Variants in MGAM observed in about 807,000 individuals in gnomAD.
MGAM encodes the protein maltase-glucoamylase, also known as alpha-1,4-glucosidase.
A neutral mutation model predicts 358.8 loss-of-function variants in MGAM; 253 were observed. That is an observed-to-expected ratio of 0.71 (90% CI 0.64 to 0.78). The LOEUF is 0.78. MGAM is among the 30% of genes least tolerant of loss of function. MGAM has a pLI of 0.00. For synonymous variants in MGAM, 1,105 were observed against 1,227.1 expected, an observed-to-expected ratio of 0.90 and a Z score of 2.08; for missense variants, 3,080 against 3,432.6, an observed-to-expected ratio of 0.90 and a Z score of 2.57.
At chr7:142,094,183 C>T (rs971623343) in intron 60 of MGAM, among the ~76,000 whole-genome samples, 181 bp from the exon 61 acceptor site, 2 of 146,220 alleles carry the variant, frequency 1.4e-5, no homozygotes, top group African/African-American at 4.9e-5. Flanking sequence ...ACTGTGAGAA[C>T]ACGTGACTCG....
chr7:142,010,325 A>G (rs1166316639), intron 3 of MGAM, among the ~76,000 whole-genome samples: 2 of 152,062 alleles, frequency 1.3e-5, no homozygotes, highest in African/African-American at 4.8e-5. Context: ...ATTCCTTCCT[A>G]TCATATCAGC....
chr7:142,044,028 A>G (rs138583719), intron 21 of MGAM, among the ~76,000 whole-genome samples: 16,939 of 74,838 alleles, frequency 0.23, 2,893 homozygotes, highest in Non-Finnish European at 0.34. Flanking sequence ...CATTATATAC[A>G]CATACGACGT....
intron 66 of MGAM, among the ~76,000 whole-genome samples, chr7:142,098,900 A>G (rs1166165777): frequency 3.9e-5 from 6 of 152,228 alleles, no homozygotes; most frequent in Non-Finnish European, 7.3e-5. Flanking sequence ...AAGAAGTGTC[A>G]CCTTAATTAA....
chr7:142,044,269 CAT>C (rs1457580537), intron 21 of MGAM, among the ~76,000 whole-genome samples: 10,892 of 89,252 alleles, frequency 0.12, 4,712 homozygotes, highest in East Asian at 0.18. Flanking sequence ...ATAATATATA[CAT>C]TATATACACA....
intron 1 of MGAM, among the ~76,000 whole-genome samples, chr7:141,997,766 G>A (rs1804378359): frequency 6.6e-6 from 1 of 152,130 alleles, no homozygotes; most frequent in African/African-American, 2.4e-5. Context: ...CTCACCTTGG[G>A]TGTGACCAGA....
chr7:142,057,419 A>G (rs1247321985), intron 30 of MGAM, among the ~76,000 whole-genome samples: 2 of 147,448 alleles, frequency 1.4e-5, no homozygotes, highest in Admixed American at 6.8e-5. Context: ...GGTGATGATG[A>G]TGGTGGTGTT....
In MGAM at chr7:142,040,144, T is replaced by C; in HGVS notation, c.2346T>C (p.Pro782=). Residue 782 remains proline, a synonymous_variant, in exon 20 of 71, where the codon CCT becomes CCC. Coordinates refer to ENST00000475668, the MANE Select transcript of MGAM (RefSeq NM_001365693.1). Reference sequence around the variant, plus strand: ...CAGAGAAAGTGATGGCATATGTGCCTGATGCTGTCTGGTATGACTACGAGA... The same window carrying C: ...CAGAGAAAGTGATGGCATATGTGCCCGATGCTGTCTGGTATGACTACGAGA... The part of the protein sequence containing the change: ...EGAEKVMAYV[P]DAVWYDYETG... The C allele has an allele frequency of 6.2e-7, 1 of 1,612,634 alleles. No individual in the cohort carries two copies.
intron 1 of MGAM, among the ~76,000 whole-genome samples, chr7:141,998,669 G>T (rs1804478238): frequency 6.6e-6 from 1 of 152,110 alleles, no homozygotes. Flanking sequence ...ATGGGCATTT[G>T]GGTTGGTTCC....
chr7:142,006,948 TTAAAA>T (rs1554452638), intron 2 of MGAM, among the ~76,000 whole-genome samples: 1 of 152,170 alleles, frequency 6.6e-6, no homozygotes, highest in African/African-American at 2.4e-5. Flanking sequence ...TTGGCCCTTC[TTAAAA>T]TAAGTTATTC....
chr7:142,089,262 A>C (rs1815139101), intron 57 of MGAM, among the ~76,000 whole-genome samples: 1 of 146,254 alleles, frequency 6.8e-6, no homozygotes, highest in African/African-American at 2.4e-5. Context: ...TGGAAATCTG[A>C]GGGCAGTGTT....
intron 53 of MGAM, among the ~76,000 whole-genome samples, chr7:142,084,198 A>G (rs1374980188): frequency 6.8e-6 from 1 of 146,012 alleles, no homozygotes; most frequent in African/African-American, 2.4e-5. Flanking sequence ...ATTTTTGCCT[A>G]AGGTCTCACA....
chr7:142,065,996 C>G (rs1216673405), intron 40 of MGAM, among the ~76,000 whole-genome samples, 165 bp downstream of exon 40: 2 of 129,362 alleles, frequency 1.5e-5, no homozygotes, highest in African/African-American at 5.3e-5. Context: ...GGGATTTACT[C>G]TGTTGGCCAG....
chr7:142,071,122 A>G lies in MGAM; in HGVS notation c.5186+4A>G, dbSNP rs981610976. 1 of 1,551,194 alleles carries G rather than the reference A, an allele frequency of 6.4e-7. No homozygotes were observed. The highest frequency in any genetic ancestry group is 1.3e-5 in the African/African-American group (1 of 74,680). ...CTGCACTGAACACCCACTTAAGGTG[A>G]ATGACAGGACTCAGGTTTTCCTTTA... is the stretch of plus-strand genomic sequence containing the variant. On this transcript the variant is annotated splice_donor_region_variant and intron_variant, in intron 44 of 70. Coordinates refer to ENST00000475668, the MANE Select transcript of MGAM (RefSeq NM_001365693.1).
chr7:142,003,750 G>A (rs1804926582), intron 1 of MGAM, among the ~76,000 whole-genome samples: 2 of 151,830 alleles, frequency 1.3e-5, no homozygotes, highest in South Asian at 2.1e-4. Context: ...ATAAAATAGA[G>A]TAAACAGACA....
rs1563200260 is a variant in MGAM, at chr7:142,076,836, C to A, written c.5493+10C>A. Reference sequence around the variant, plus strand: ...TGATTCTAACCTGAAGGTAAAAACCCATTTTGTTGAGATGGTACATTGAGA... The same window carrying A: ...TGATTCTAACCTGAAGGTAAAAACCAATTTTGTTGAGATGGTACATTGAGA... On this transcript the variant is annotated intron_variant, in intron 47 of 70. Coordinates refer to ENST00000475668, the MANE Select transcript of MGAM (RefSeq NM_001365693.1). 6.5e-7 allele frequency: 1 copy of A among 1,549,214 alleles called. No homozygotes were observed.
chr7:142,013,459 CT>C (rs1300647151), intron 3 of MGAM, among the ~76,000 whole-genome samples: 4 of 151,736 alleles, frequency 2.6e-5, no homozygotes, highest in Admixed American at 2.0e-4. Flanking sequence ...TTTTGATTTT[CT>C]TTTTTTTTAA....
intron 21 of MGAM, among the ~76,000 whole-genome samples, chr7:142,041,146 T>G (rs1286937557): frequency 1.3e-5 from 2 of 152,150 alleles, no homozygotes; most frequent in African/African-American, 4.8e-5. Flanking sequence ...ACTTCCTATT[T>G]CTTTTCTCCC....
In MGAM at chr7:142,094,243, C is replaced by CCG. The variant is rs146430268; in HGVS notation, c.7173-120_7173-119dup. The CCG allele has an allele frequency of 4.3e-3, 5,227 of 1,217,684 alleles. 313 individuals are homozygous for CCG. The African/African-American group carries it at 0.063, about 15-fold the overall frequency. The allele number at this position is 1,217,684 out of a possible 1,614,324, so 75.4% of individuals were successfully genotyped here. On this transcript the variant is annotated intron_variant, in intron 60 of 70. Transcript: ENST00000475668. The stretch of plus-strand genomic sequence containing the variant: ...GGAGCCCCCATTACAGCTCAGAGTC[C>CCG]CGTGTTCCCTCCAATCACGCAGCAA...
Position 142,086,283 on chromosome 7 carries a change from C to T in MGAM, c.6702C>T (p.Asp2234=), listed in dbSNP as rs942872979. 51 of 1,542,876 alleles carry T rather than the reference C, an allele frequency of 3.3e-5. 6 individuals carry two copies. The highest frequency in any genetic ancestry group is 2.2e-4 in the African/African-American group (16 of 74,246). ...YPAFTRGVED[D]VFIKYPNDGD... is the part of the protein sequence containing the mutation. ...CCTTCACTCGGGGCGTGGAGGATGA[C>T]GTCTTCATCAAGTACCCAAATGATG... The change falls in exon 56 of 71, where the codon GAC becomes GAT. Residue 2234 remains aspartate (D), a synonymous_variant. Transcript: ENST00000475668.
Sources: gnomAD v4.1 joint callset for allele counts (sites outside exome capture counted in the v4.1 genomes callset) on GRCh38, gnomAD v4.1.1 for gene constraint, MANE v1.5 for transcripts, NCBI Gene and HGNC (gene_info 2026-07-23, HGNC 2026-07-21) for gene names.